The following GRM5 variants were observed in gnomAD, a reference collection of about 807,000 sequenced individuals.
The protein encoded by GRM5 is glutamate metabotropic receptor 5.
Under a neutral mutation model 83.1 loss-of-function variants are expected in GRM5, and 19 were observed. That is an observed-to-expected ratio of 0.23 (90% CI 0.16 to 0.34). GRM5 has a LOEUF of 0.34. Among genes scored for constraint, GRM5 ranks in the 10% least tolerant of loss-of-function variants. GRM5 has a pLI of 1.00. For missense variants in GRM5, 1,160 were observed against 1,588.3 expected (o/e 0.73, Z 4.58); for synonymous variants, 675 against 633.6 (o/e 1.07, Z -0.98).
chr11:88,933,052 A>G (rs1937765310), intron 2 of GRM5, among the ~76,000 whole-genome samples: 1 of 151,874 alleles, frequency 6.6e-6, no homozygotes, highest in Non-Finnish European at 1.5e-5. Context: ...AAGTCTTCCA[A>G]ATGGGCAATT....
In GRM5 at chr11:89,024,176, G is replaced by A. The variant is rs189959605; in HGVS notation, c.661+23036C>T. 1.9e-3 allele frequency among the ~76,000 whole-genome samples: 288 copies of A among 151,638 alleles called. 2 individuals carry two copies. Among genetic ancestry groups the A allele is most frequent in the African/African-American group, 6.8e-3 (280 of 41,340 alleles). ...GGTCGCAATGAGTTGATATCTCCACGGCACTCCAGCTTGGAGGACAGAGTG... is the reference window on the plus strand; with the variant it reads ...GGTCGCAATGAGTTGATATCTCCACAGCACTCCAGCTTGGAGGACAGAGTG... On this transcript the variant is annotated intron_variant, in intron 2 of 9. Transcript: ENST00000305447.
intron 8 of GRM5, among the ~76,000 whole-genome samples, chr11:88,551,994 C>G (rs1280335699): frequency 6.6e-6 from 1 of 151,542 alleles, no homozygotes; most frequent in African/African-American, 2.4e-5. Flanking sequence ...TTCTAGGAAA[C>G]AGCTACAGCT....
intron 7 of GRM5, among the ~76,000 whole-genome samples, chr11:88,584,440 CTTTT>C (rs775345770): frequency 1.1e-4 from 17 of 151,722 alleles, no homozygotes; most frequent in Non-Finnish European, 2.4e-4. Flanking sequence ...CTTTTCTTTT[CTTTT>C]TGTTTTTGAG....
chr11:88,995,307 G>GTAATCCC (rs1940145681), intron 2 of GRM5, among the ~76,000 whole-genome samples: 1 of 152,002 alleles, frequency 6.6e-6, no homozygotes, highest in African/African-American at 2.4e-5. Context: ...AGCACTTCGG[G>GTAATCCC]AGGCCAAGGG....
At chr11:88,524,990 T>C (rs560696349) in intron 9 of GRM5, among the ~76,000 whole-genome samples, 1 of 152,352 alleles carries the variant, frequency 6.6e-6, no homozygotes, top group Non-Finnish European at 1.5e-5. Context: ...CTCCAATCTC[T>C]TCCACTTTGC....
At chr11:88,775,331 T>G (rs1942824322) in intron 3 of GRM5, among the ~76,000 whole-genome samples, 1 of 152,172 alleles carries the variant, frequency 6.6e-6, no homozygotes, top group Admixed American at 6.5e-5. Flanking sequence ...TCTTCTCTTT[T>G]CTCCTTTACT....
At chr11:89,029,730 CT>C (rs1435700292) in intron 2 of GRM5, among the ~76,000 whole-genome samples, 5 of 152,112 alleles carry the variant, frequency 3.3e-5, no homozygotes, top group Non-Finnish European at 7.4e-5. Flanking sequence ...CCTACTGAAA[CT>C]TTTTATTTCC....
At chr11:89,061,073 C>T (rs1432228542) in intron 1 of GRM5, among the ~76,000 whole-genome samples, 2 of 152,008 alleles carry the variant, frequency 1.3e-5, no homozygotes, top group African/African-American at 4.8e-5. Flanking sequence ...TCAGCTTTAT[C>T]ATATAACATA....
At chr11:88,635,493 C>T (rs2135277670) in intron 4 of GRM5, among the ~76,000 whole-genome samples, 1 of 152,234 alleles carries the variant, frequency 6.6e-6, no homozygotes, top group Non-Finnish European at 1.5e-5. Flanking sequence ...GTATTCAAAT[C>T]CTTAGTCCAG....
intron 2 of GRM5, among the ~76,000 whole-genome samples, chr11:88,945,294 ATAT>A (rs1938243296): frequency 6.6e-6 from 1 of 152,068 alleles, no homozygotes; most frequent in African/African-American, 2.4e-5. Flanking sequence ...AAAAGAATAA[ATAT>A]TATTAAAATG....
intron 2 of GRM5, among the ~76,000 whole-genome samples, chr11:88,937,983 T>C (rs1937956397): frequency 2.0e-5 from 3 of 151,760 alleles, no homozygotes; most frequent in Admixed American, 6.6e-5. Context: ...ATAATGAGCA[T>C]GATGCCTAGA....
chr11:88,658,399 A>T (rs1355146391), intron 3 of GRM5, among the ~76,000 whole-genome samples: 1 of 152,164 alleles, frequency 6.6e-6, no homozygotes, highest in Non-Finnish European at 1.5e-5. Flanking sequence ...TGGGACAGGC[A>T]TCCATGGTTT....
chr11:88,580,098 G>A (rs1327965166), intron 7 of GRM5, among the ~76,000 whole-genome samples: 1 of 152,132 alleles, frequency 6.6e-6, no homozygotes, highest in Non-Finnish European at 1.5e-5. Context: ...TGAAAGAACG[G>A]GTTTATTATC....
rs550726258 is a variant in GRM5, at chr11:88,956,948, GA to G, written c.661+90263del. On this transcript the variant is annotated intron_variant, in intron 2 of 9. Transcript: ENST00000305447. ...TTACTGGGTTATTGTGAGAACTTAG[GA>G]AGGTAATGTATGCAAATACATGAAG... 1.3e-4 allele frequency among the ~76,000 whole-genome samples: 19 copies of G among 151,076 alleles called. No individual in the cohort carries two copies. The East Asian group carries it at 3.7e-3, about 29-fold the overall frequency.
At chr11:88,783,618 A>C (rs12364488) in intron 3 of GRM5, among the ~76,000 whole-genome samples, 1 of 151,758 alleles carries the variant, frequency 6.6e-6, no homozygotes, top group African/African-American at 2.4e-5. Flanking sequence ...CTTTTAATTC[A>C]AATGTTTTGT....
chr11:88,695,556 C>T (rs571067280), intron 3 of GRM5, among the ~76,000 whole-genome samples: 20 of 152,216 alleles, frequency 1.3e-4, no homozygotes, highest in African/African-American at 4.8e-4. Flanking sequence ...TTTCCCATTG[C>T]CAAAGAAACA....
chr11:88,845,548 C>G (rs1412356933), intron 3 of GRM5, among the ~76,000 whole-genome samples: 1 of 149,452 alleles, frequency 6.7e-6, no homozygotes, highest in East Asian at 2.0e-4. Context: ...ATTCTCCTGC[C>G]TCAGCCTCCA....
At chr11:88,765,679 G>A (rs1942613780) in intron 3 of GRM5, among the ~76,000 whole-genome samples, 1 of 151,530 alleles carries the variant, frequency 6.6e-6, no homozygotes, top group South Asian at 2.1e-4. Context: ...AACACCATAT[G>A]CAAAAATTGA....
chr11:88,944,652 TA>T (rs903151697), intron 2 of GRM5, among the ~76,000 whole-genome samples: 4 of 151,822 alleles, frequency 2.6e-5, no homozygotes, highest in Admixed American at 6.6e-5. Context: ...GTGCAGCTTA[TA>T]AAAAATACAC....
Sources: gnomAD v4.1 joint callset for allele counts (sites outside exome capture counted in the v4.1 genomes callset) on GRCh38, gnomAD v4.1.1 for gene constraint, MANE v1.5 for transcripts, NCBI Gene and HGNC (gene_info 2026-07-23, HGNC 2026-07-21) for gene names.